RPS6KC1: variants seen among roughly 807,000 people sequenced by gnomAD.
RPS6KC1 encodes the protein inactive ribosomal protein S6 kinase delta-1.
In RPS6KC1, 54 loss-of-function variants were observed where a neutral mutation model predicts 103.8. That is an observed-to-expected ratio of 0.52 (90% CI 0.42 to 0.65). The LOEUF (loss-of-function observed/expected upper bound fraction) is 0.65. Among genes scored for constraint, RPS6KC1 ranks in the 30% least tolerant of loss-of-function variants. The probability of loss-of-function intolerance (pLI) is 0.00; values close to 1 mark genes in which losing one functional copy is unlikely to be tolerated. For missense variants in RPS6KC1, 1,151 were observed against 1,253.8 expected (o/e 0.92, Z 1.24); for synonymous variants, 439 against 438.7 (o/e 1.00, Z -0.01).
the RPS6KC1 span, among the ~76,000 whole-genome samples, chr1:213,630,313 CT>C: frequency 2.0e-5 from 3 of 152,182 alleles, no homozygotes; most frequent in Non-Finnish European, 4.4e-5. Context: ...TCTCTTCTCA[CT>C]TCGTTTCATT....
At chr1:213,150,550 CA>C (rs1161657008) in intron 6 of RPS6KC1, among the ~76,000 whole-genome samples, 2 of 150,820 alleles carry the variant, frequency 1.3e-5, no homozygotes, top group Non-Finnish European at 2.9e-5. Context: ...ATCTGTTTAA[CA>C]AAGCACATCT....
At chr1:213,662,428 A>ATTTTTTTTTTTTTTTTTTTTTT in the RPS6KC1 span, among the ~76,000 whole-genome samples, 1 of 120,958 alleles carries the variant, frequency 8.3e-6, no homozygotes, top group African/African-American at 3.2e-5. Context: ...CACCTGGCTA[A>ATTTTTTTTTTTTTTTTTTTTTT]TTTTTTTTTT....
chr1:213,480,261 C>T, the RPS6KC1 span, among the ~76,000 whole-genome samples: 2 of 151,964 alleles, frequency 1.3e-5, no homozygotes. Context: ...TCATTTATTC[C>T]AGTTTTATTT....
Position 213,242,071 on chromosome 1 carries a change from C to T in RPS6KC1, c.2595C>T (p.Asp865=), listed in dbSNP as rs745924670. The part of the protein sequence containing the change: ...KEEPTSLFQR[D]SETKGESGLV... ...AACCAACTTCTTTATTCCAGAGAGACTCTGAGACTAAGGGTGAAAGTGGTT... is the reference window on the plus strand; with the variant it reads ...AACCAACTTCTTTATTCCAGAGAGATTCTGAGACTAAGGGTGAAAGTGGTT... Residue 865 remains aspartate (D), a synonymous_variant, in exon 11 of 15, where the codon GAC becomes GAT. Transcript: ENST00000366960. 6.2e-7 allele frequency: 1 copy of T among 1,613,880 alleles called. No individual in the cohort carries two copies. The highest frequency in any genetic ancestry group is 8.5e-7 in the Non-Finnish European group (1 of 1,179,952).
chr1:213,114,835 G>C (rs1037413117), intron 4 of RPS6KC1, among the ~76,000 whole-genome samples: 4 of 152,144 alleles, frequency 2.6e-5, no homozygotes, highest in African/African-American at 9.7e-5. Flanking sequence ...GTTTGGTTCT[G>C]TTTATATGCT....
In RPS6KC1 at chr1:213,261,553, G is replaced by A; in HGVS notation, c.2912-5G>A. 6.2e-7 allele frequency: 1 copy of A among 1,613,486 alleles called. No individual in the cohort carries two copies. Among genetic ancestry groups the A allele is most frequent in the Non-Finnish European group, 8.5e-7 (1 of 1,179,486 alleles). Reference sequence around the variant, plus strand: ...TTTAATATCAACCTTTTTTGGTGTGGTTAGAGGTTGGAGCAATCACTGAAG... The same window carrying A: ...TTTAATATCAACCTTTTTTGGTGTGATTAGAGGTTGGAGCAATCACTGAAG... On this transcript the variant is annotated splice_region_variant and splice_polypyrimidine_tract_variant and intron_variant, in intron 12 of 14. Coordinates refer to ENST00000366960, the MANE Select transcript of RPS6KC1 (RefSeq NM_012424.6).
chr1:213,309,228 G>A, the RPS6KC1 span, among the ~76,000 whole-genome samples: 1 of 152,226 alleles, frequency 6.6e-6, no homozygotes, highest in Non-Finnish European at 1.5e-5. Context: ...CTGGGAGGCG[G>A]AGGTTGCAGT....
chr1:213,213,953 C>T lies in RPS6KC1; in HGVS notation c.1045-16544C>T, dbSNP rs768217076. ...AGTCTACAGCTCCCAGCATGAGCGA[C>T]GCGGAAGACGAATGATTTCTGCATT... On this transcript the variant is annotated intron_variant, in intron 8 of 14. Transcript: ENST00000366960. Among the ~76,000 whole-genome samples the T allele has an allele frequency of 3.9e-5, 6 of 152,296 alleles. No individual in the cohort carries two copies. The East Asian group carries it at 5.8e-4, about 15-fold the overall frequency.
chr1:213,547,794 C>T, the RPS6KC1 span, among the ~76,000 whole-genome samples: 20 of 152,150 alleles, frequency 1.3e-4, no homozygotes, highest in East Asian at 3.9e-4. Flanking sequence ...TGAGTGGAAA[C>T]GATCTAAGAC....
At chr1:213,377,963 GA>G in the RPS6KC1 span, among the ~76,000 whole-genome samples, 10 of 152,338 alleles carry the variant, frequency 6.6e-5, no homozygotes, top group African/African-American at 2.4e-4. Flanking sequence ...ACGATATAGG[GA>G]AGAAGGATTT....
chr1:213,728,526 C>T, the RPS6KC1 span, among the ~76,000 whole-genome samples: 1 of 152,156 alleles, frequency 6.6e-6, no homozygotes, highest in Non-Finnish European at 1.5e-5. Context: ...GGATCTTCAC[C>T]TTTCTGTGCC....
intron 6 of RPS6KC1, among the ~76,000 whole-genome samples, chr1:213,136,522 C>T (rs1407857094): frequency 6.6e-6 from 1 of 151,724 alleles, no homozygotes; most frequent in East Asian, 1.9e-4. Context: ...CCAACAGTGC[C>T]GTTTATTATC....
the RPS6KC1 span, among the ~76,000 whole-genome samples, chr1:213,553,512 T>C: frequency 6.6e-6 from 1 of 152,170 alleles, no homozygotes; most frequent in Admixed American, 6.5e-5. Flanking sequence ...ATATTCCTTT[T>C]GGTATATGCC....
chr1:213,513,579 T>A, the RPS6KC1 span, among the ~76,000 whole-genome samples: 1 of 152,198 alleles, frequency 6.6e-6, no homozygotes, highest in Non-Finnish European at 1.5e-5. Context: ...TACCCCAATC[T>A]AACCCCATTC....
chr1:213,462,517 A>G, the RPS6KC1 span, among the ~76,000 whole-genome samples: 1 of 152,256 alleles, frequency 6.6e-6, no homozygotes, highest in Non-Finnish European at 1.5e-5. Context: ...ATGTCCATTA[A>G]TGATAGACTG....
At chr1:213,119,928 G>A (rs1047316331) in intron 5 of RPS6KC1, among the ~76,000 whole-genome samples, 4 of 152,148 alleles carry the variant, frequency 2.6e-5, no homozygotes, top group African/African-American at 9.7e-5. Context: ...TATAGACAGT[G>A]CTATTAATAA....
chr1:213,351,878 T>C, the RPS6KC1 span, among the ~76,000 whole-genome samples: 1 of 152,188 alleles, frequency 6.6e-6, no homozygotes, highest in African/African-American at 2.4e-5. Context: ...TAGGGCTAAG[T>C]GAACCAAATG....
intron 1 of RPS6KC1, among the ~76,000 whole-genome samples, chr1:213,069,650 C>A (rs2078687433): frequency 6.6e-6 from 1 of 152,084 alleles, no homozygotes; most frequent in Non-Finnish European, 1.5e-5. Flanking sequence ...TCCTAGGCAA[C>A]CATTTTAATG....
the RPS6KC1 span, among the ~76,000 whole-genome samples, chr1:213,400,024 A>G: frequency 6.6e-6 from 1 of 152,192 alleles, no homozygotes; most frequent in East Asian, 1.9e-4. Flanking sequence ...GCGCCGAATC[A>G]CTTGAAAGAT....
Sources: gnomAD v4.1 joint callset for allele counts (sites outside exome capture counted in the v4.1 genomes callset) on GRCh38, gnomAD v4.1.1 for gene constraint, MANE v1.5 for transcripts, NCBI Gene and HGNC (gene_info 2026-07-23, HGNC 2026-07-21) for gene names.